Variants in CRAMP1 observed in about 807,000 individuals in gnomAD.
CRAMP1 encodes cramped chromatin regulator 1.
Under a neutral mutation model 115.4 loss-of-function variants are expected in CRAMP1, and 50 were observed. The observed-to-expected ratio is 0.43, with a 90% CI of 0.35 to 0.55. The LOEUF (loss-of-function observed/expected upper bound fraction) is 0.55. Ranked by LOEUF, CRAMP1 falls within the 20% of genes least tolerant of loss-of-function variation. The pLI, the probability that CRAMP1 is intolerant of heterozygous loss-of-function variation, is 0.01. For synonymous variants in CRAMP1, 866 were observed against 745.4 expected (o/e 1.16, Z -2.64); for missense variants, 1,679 against 1,721.7 (o/e 0.98, Z 0.44).
Position 1,653,021 on chromosome 16 carries a change from T to G in CRAMP1, c.914-12T>G. 1 of 1,613,538 alleles carries G rather than the reference T, an allele frequency of 6.2e-7. No individual in the cohort carries two copies. Among genetic ancestry groups the G allele is most frequent in the African/African-American group, 1.3e-5 (1 of 75,058 alleles). ...GGCTGCACTAAACTTTCATGGTTCT[T>G]CTGCATTGCAGGCTTGAGTGATGAA... On this transcript the variant is annotated splice_polypyrimidine_tract_variant and intron_variant, in intron 7 of 20. Coordinates refer to ENST00000397412, the MANE Select transcript of CRAMP1 (RefSeq NM_020825.4).
intron 3 of CRAMP1, among the ~76,000 whole-genome samples, chr16:1,629,676 T>G (rs1161309744): frequency 6.6e-6 from 1 of 152,158 alleles, no homozygotes; most frequent in East Asian, 1.9e-4. Flanking sequence ...TCGTGGTTCT[T>G]GCCGAGGCCC....
intron 8 of CRAMP1, among the ~76,000 whole-genome samples, chr16:1,654,763 G>A (rs1029884791): frequency 3.3e-5 from 5 of 152,222 alleles, no homozygotes; most frequent in Non-Finnish European, 7.3e-5. Flanking sequence ...AGAGGCCTCC[G>A]GGCCTGGCAT....
intron 10 of CRAMP1, among the ~76,000 whole-genome samples, chr16:1,657,713 G>A (rs543761535): frequency 3.3e-5 from 5 of 152,284 alleles, no homozygotes; most frequent in Non-Finnish European, 5.9e-5. Flanking sequence ...TGGTGGAGCC[G>A]ACAGATGGGG....
chr16:1,656,551 G>A lies in CRAMP1; in HGVS notation c.1794G>A (p.Glu598=), dbSNP rs1210429702. The change falls in exon 10 of 21, where the codon GAG becomes GAA. Residue 598 remains glutamate, a synonymous_variant. Coordinates refer to ENST00000397412, the MANE Select transcript of CRAMP1 (RefSeq NM_020825.4). The surrounding 1 kb of genome is among the most constrained non-coding windows in gnomAD (Gnocchi z 5.6). The stretch of plus-strand genomic sequence containing the variant: ...CTCTGGGCGGGGCGGCCTCCCCAGA[G>A]GTGCTGGCTCCTGTCAGCAAGGAGG... ...QPPLGGAASP[E]VLAPVSKEAA... is the part of the protein sequence containing the mutation. 1 of 1,557,104 alleles carries A rather than the reference G, an allele frequency of 6.4e-7. No homozygotes were observed. The highest frequency in any genetic ancestry group is 1.9e-5 in the Admixed American group (1 of 51,978).
intron 2 of CRAMP1, among the ~76,000 whole-genome samples, chr16:1,620,085 T>C (rs1025608381): frequency 1.3e-5 from 2 of 152,252 alleles, no homozygotes; most frequent in Admixed American, 6.5e-5. Flanking sequence ...CTTGGCTTGC[T>C]TGAAGGGTCC....
chr16:1,673,802 G>A (rs371869503), intron 20 of CRAMP1, 79 bp from the exon 21 acceptor site: 82 of 1,376,472 alleles, frequency 6.0e-5, no homozygotes, highest in African/African-American at 7.1e-5. Flanking sequence ...GGAGCTTCTC[G>A]TCCTGTTTCA....
In CRAMP1 at chr16:1,614,346, T is replaced by G. The variant is rs1476771163; in HGVS notation, c.-1-293T>G. The stretch of plus-strand genomic sequence containing the variant: ...GGGCCGGGGCCGGGGCCGGGCAGGG[T>G]CCGCCGAGCTGTCGCGCCCTCCCGC... On this transcript the variant is annotated intron_variant, in intron 1 of 20. Coordinates refer to ENST00000397412, the MANE Select transcript of CRAMP1 (RefSeq NM_020825.4). The surrounding 1 kb of genome is among the most constrained non-coding windows in gnomAD (Gnocchi z 4.4). 8.1e-6 allele frequency among the ~76,000 whole-genome samples: 1 copy of G among 123,516 alleles called. No individual in the cohort carries two copies. Among genetic ancestry groups the G allele is most frequent in the African/African-American group, 3.1e-5 (1 of 32,290 alleles). The allele number at this position is 123,516 out of a possible 152,430, so 81.0% of individuals were successfully genotyped here.
Position 1,656,588 on chromosome 16 carries a change from G to C in CRAMP1, c.1831G>C (p.Ala611Pro), listed in dbSNP as rs2036777302. 1 of 1,564,576 alleles carries C rather than the reference G, an allele frequency of 6.4e-7. No individual in the cohort carries two copies. Residue 611 changes from alanine (A) to proline (P), a missense_variant, in exon 10 of 21, where the codon GCT (alanine) becomes CCT (proline). Around this residue, in one of 8 missense-constraint regions of CRAMP1, gnomAD observed 405 missense variants for 302.6 expected, o/e 1.34. Transcript: ENST00000397412. This position sits in a 1 kb window ranked among gnomAD's most constrained non-coding sequence, Gnocchi z 5.6. Reference sequence around the variant, plus strand: ...TGTCAGCAAGGAGGCTGCTGACCTTGCTCCCACTGGCCCATCCCCGAGGCC... The same window carrying C: ...TGTCAGCAAGGAGGCTGCTGACCTTCCTCCCACTGGCCCATCCCCGAGGCC... ...APVSKEAADLAPTGPSPRPGP... is the reference protein window; with the variant it reads ...APVSKEAADLPPTGPSPRPGP...
rs775127881 is a variant in CRAMP1 at position 1,653,019 on chromosome 16, C to T, written c.914-14C>T. ...TGGGCTGCACTAAACTTTCATGGTT[C>T]TTCTGCATTGCAGGCTTGAGTGATG... On this transcript the variant is annotated splice_polypyrimidine_tract_variant and intron_variant, in intron 7 of 20. Coordinates refer to ENST00000397412, the MANE Select transcript of CRAMP1 (RefSeq NM_020825.4). The T allele has an allele frequency of 6.2e-7, 1 of 1,613,442 alleles. No individual in the cohort carries two copies. Among genetic ancestry groups the T allele is most frequent in the East Asian group, 2.2e-5 (1 of 44,880 alleles).
At chr16:1,642,742 C>T (rs773274863) in intron 6 of CRAMP1, among the ~76,000 whole-genome samples, 6 of 152,228 alleles carry the variant, frequency 3.9e-5, no homozygotes, top group African/African-American at 9.6e-5. Flanking sequence ...AAAACACTGC[C>T]GCAGGATCCA....
At chr16:1,618,295 T>G (rs1468997281) in intron 2 of CRAMP1, among the ~76,000 whole-genome samples, 1 of 151,968 alleles carries the variant, frequency 6.6e-6, no homozygotes, top group Non-Finnish European at 1.5e-5. Flanking sequence ...AATAAATAAA[T>G]AAATATAAAA....
At chr16:1,612,753 C>T (rs968654724) in intron 1 of CRAMP1, among the ~76,000 whole-genome samples, 96 bp downstream of exon 1, 4 of 152,006 alleles carry the variant, frequency 2.6e-5, no homozygotes, top group African/African-American at 7.2e-5. Context: ...GTCGCTTCCA[C>T]AGCGCCCGGT....
intron 3 of CRAMP1, 143 bp from the exon 4 acceptor site, chr16:1,632,069 A>G: frequency 1.2e-6 from 1 of 852,482 alleles, no homozygotes; most frequent in East Asian, 2.7e-5. Context: ...AAGTTCATAC[A>G]CAGATAAGAG....
intron 18 of CRAMP1, 136 bp downstream of exon 18, chr16:1,668,329 C>T (rs1251496595): frequency 1.4e-6 from 1 of 708,466 alleles, no homozygotes; most frequent in Non-Finnish European, 2.4e-6. Flanking sequence ...CAAGGTGCTG[C>T]CTGTCTCCAG....
chr16:1,642,658 G>C (rs17135470), intron 6 of CRAMP1, among the ~76,000 whole-genome samples: 23,485 of 152,228 alleles, frequency 0.15, 2,755 homozygotes, highest in African/African-American at 0.31. Context: ...ACCGTCTTGA[G>C]AAGGCCCAAG....
intron 16 of CRAMP1, 74 bp from the exon 17 acceptor site, chr16:1,667,261 A>G: frequency 8.1e-7 from 1 of 1,241,664 alleles, no homozygotes. Context: ...TTTTTCTGGA[A>G]CTCTGTCGCG....
rs533043497 is a variant in CRAMP1 at position 1,666,785 on chromosome 16, C to T, written c.3036+185C>T. ...CAGGAGAGGCCTCCGGAGCCACTGA[C>T]GAAAGGTGGGGACAGGCTTGCCATG... On this transcript the variant is annotated intron_variant, in intron 16 of 20. Transcript: ENST00000397412. This position sits in a 1 kb window ranked among gnomAD's most constrained non-coding sequence, Gnocchi z 5.0. 1.1e-4 allele frequency among the ~76,000 whole-genome samples: 16 copies of T among 152,334 alleles called. No homozygotes were observed. Among genetic ancestry groups the T allele is most frequent in the Admixed American group, 1.3e-4 (2 of 15,312 alleles).
At chr16:1,653,375 G>A (rs372064656) in intron 8 of CRAMP1, among the ~76,000 whole-genome samples, 5 of 152,196 alleles carry the variant, frequency 3.3e-5, no homozygotes, top group South Asian at 2.1e-4. Context: ...TGTTCAGGCC[G>A]TGGAGGGGAT....
chr16:1,625,224 C>T (rs968476505), intron 2 of CRAMP1, among the ~76,000 whole-genome samples: 57 of 152,136 alleles, frequency 3.7e-4, no homozygotes, highest in African/African-American at 1.4e-3. Context: ...GGTCTTTTGA[C>T]TCCTGCCACA....
Sources: allele counts gnomAD v4.1 joint callset (sites outside exome capture counted in the v4.1 genomes callset), GRCh38; gene constraint gnomAD v4.1.1; regional missense constraint gnomAD v4.1.1; non-coding constraint Gnocchi (gnomAD v3.1); transcripts MANE v1.5; gene names NCBI Gene and HGNC (gene_info 2026-07-23, HGNC 2026-07-21).